The following SNTG1 variants were observed in gnomAD, a reference collection of about 807,000 sequenced individuals.
SNTG1 encodes gamma-1-syntrophin.
Under a neutral mutation model 74.7 loss-of-function variants are expected in SNTG1, and 39 were observed. The observed-to-expected ratio is 0.52, with a 90% confidence interval of 0.40 to 0.68. SNTG1 has a LOEUF of 0.68. Ranked by LOEUF, SNTG1 falls within the 30% of genes least tolerant of loss-of-function variation. SNTG1 has a pLI of 0.00. For missense variants in SNTG1, 685 were observed against 609.5 expected (o/e 1.12, Z -1.30); for synonymous variants, 254 against 217.1 (o/e 1.17, Z -1.49).
chr8:49,912,263 A>C (rs958486041), intron 1 of SNTG1, 32 bp downstream of exon 1: 3 of 152,224 alleles, frequency 2.0e-5, no homozygotes, highest in African/African-American at 7.2e-5. Flanking sequence ...TTTGTTTTTT[A>C]AAATTCTAAT....
At chr8:49,949,954 T>C (rs906853044) in intron 1 of SNTG1, among the ~76,000 whole-genome samples, 48 of 152,160 alleles carry the variant, frequency 3.2e-4, no homozygotes, top group African/African-American at 1.1e-3. Flanking sequence ...TGGTGAAACC[T>C]CATCTCTAAT....
At chr8:49,966,386 TA>T (rs1811142558) in intron 1 of SNTG1, among the ~76,000 whole-genome samples, 1 of 152,022 alleles carries the variant, frequency 6.6e-6, no homozygotes, top group East Asian at 1.9e-4. Context: ...AGTCTTTTTT[TA>T]AATTAATTAA....
At chr8:50,487,206 G>T (rs2093803880) in intron 8 of SNTG1, among the ~76,000 whole-genome samples, 1 of 152,168 alleles carries the variant, frequency 6.6e-6, no homozygotes, top group Non-Finnish European at 1.5e-5. Context: ...TGGAGAGGAT[G>T]TGGAGAAATA....
intron 8 of SNTG1, among the ~76,000 whole-genome samples, chr8:50,469,913 G>C (rs1488837848): frequency 6.6e-6 from 1 of 152,176 alleles, no homozygotes; most frequent in Non-Finnish European, 1.5e-5. Flanking sequence ...GGGAGGCAGA[G>C]GTTGCAATGA....
intron 9 of SNTG1, among the ~76,000 whole-genome samples, chr8:50,529,141 A>T (rs976604748): frequency 2.0e-5 from 3 of 151,992 alleles, no homozygotes; most frequent in African/African-American, 7.2e-5. Context: ...AATAATAAGT[A>T]TATACATTTG....
chr8:50,651,938 T>C (rs1437632602), intron 13 of SNTG1, among the ~76,000 whole-genome samples: 2 of 150,332 alleles, frequency 1.3e-5, no homozygotes, highest in East Asian at 4.0e-4. Context: ...TTAGTAGAGA[T>C]GGGGTTTCTC....
chr8:49,980,109 C>T (rs1186580795), intron 1 of SNTG1, among the ~76,000 whole-genome samples: 1 of 152,158 alleles, frequency 6.6e-6, no homozygotes, highest in Non-Finnish European at 1.5e-5. Context: ...CAACCAATCT[C>T]CAGAGCTCTT....
chr8:50,215,283 C>T (rs1389716514), intron 2 of SNTG1, among the ~76,000 whole-genome samples: 1 of 151,210 alleles, frequency 6.6e-6, no homozygotes, highest in Non-Finnish European at 1.5e-5. Flanking sequence ...TTAAAATATC[C>T]ATCTGGGAAA....
intron 15 of SNTG1, among the ~76,000 whole-genome samples, chr8:50,700,343 A>T (rs1324124684): frequency 6.6e-6 from 1 of 152,236 alleles, no homozygotes; most frequent in African/African-American, 2.4e-5. Flanking sequence ...TAGAAACTCT[A>T]GTAAAAGAAA....
At chr8:50,684,955 T>G (rs1484535870) in intron 15 of SNTG1, among the ~76,000 whole-genome samples, 3 of 142,506 alleles carry the variant, frequency 2.1e-5, no homozygotes, top group Non-Finnish European at 4.5e-5. Context: ...ATCTCATTGT[T>G]CAATTTTCCA....
intron 1 of SNTG1, among the ~76,000 whole-genome samples, chr8:50,083,867 G>A (rs1044140522): frequency 6.6e-6 from 1 of 152,090 alleles, no homozygotes; most frequent in Non-Finnish European, 1.5e-5. Context: ...CAACATTTGA[G>A]TATTATTCAA....
chr8:50,153,236 G>A (rs575361023), intron 1 of SNTG1, among the ~76,000 whole-genome samples: 1 of 152,264 alleles, frequency 6.6e-6, no homozygotes, highest in African/African-American at 2.4e-5. Flanking sequence ...TAGTTCTTGT[G>A]CCACGGTTTT....
At chr8:50,622,428 T>C (rs2094929235) in intron 13 of SNTG1, among the ~76,000 whole-genome samples, 1 of 152,190 alleles carries the variant, frequency 6.6e-6, no homozygotes, top group Non-Finnish European at 1.5e-5. Flanking sequence ...TTAAGTTTAA[T>C]TGTTATAGAA....
intron 2 of SNTG1, among the ~76,000 whole-genome samples, chr8:50,371,810 AC>A (rs1304166722): frequency 1.3e-5 from 2 of 152,080 alleles, no homozygotes; most frequent in African/African-American, 4.8e-5. Context: ...GTGTCTTCTG[AC>A]CATTTTTAAC....
At chr8:50,759,646 C>T (rs2095592104) in intron 18 of SNTG1, among the ~76,000 whole-genome samples, 1 of 151,684 alleles carries the variant, frequency 6.6e-6, no homozygotes, top group African/African-American at 2.4e-5. Flanking sequence ...TCTGAGGACT[C>T]ATTCTGTTCC....
chr8:50,491,825 C>G (rs989757758), intron 8 of SNTG1, among the ~76,000 whole-genome samples: 6 of 151,738 alleles, frequency 4.0e-5, no homozygotes, highest in African/African-American at 9.7e-5. Context: ...TTTGCTGCAC[C>G]CATCAACCCA....
At chr8:50,351,138 A>G (rs1324544312) in intron 2 of SNTG1, among the ~76,000 whole-genome samples, 1 of 152,086 alleles carries the variant, frequency 6.6e-6, no homozygotes, top group African/African-American at 2.4e-5. Context: ...GGTGATGACT[A>G]CCTAGACCCA....
chr8:50,338,266 C>T (rs1310084596), intron 2 of SNTG1, among the ~76,000 whole-genome samples: 2 of 152,248 alleles, frequency 1.3e-5, no homozygotes, highest in Non-Finnish European at 2.9e-5. Context: ...TCTACAGCTG[C>T]AGCAAGCAGT....
intron 12 of SNTG1, among the ~76,000 whole-genome samples, chr8:50,562,805 C>A (rs978361862): frequency 6.6e-6 from 1 of 152,128 alleles, no homozygotes; most frequent in African/African-American, 2.4e-5. Flanking sequence ...TGTTAGAAAA[C>A]AACCTAACAT....
Sources: gnomAD v4.1 joint callset for allele counts (sites outside exome capture counted in the v4.1 genomes callset) on GRCh38, gnomAD v4.1.1 for gene constraint, MANE v1.5 for transcripts, NCBI Gene and HGNC (gene_info 2026-07-23, HGNC 2026-07-21) for gene names.